MYO9A: variants seen among roughly 807,000 people sequenced by gnomAD.
MYO9A encodes myosin IXA.
MYO9A carries 103 observed loss-of-function variants against 293.3 expected under a neutral mutation model. That is an observed-to-expected ratio of 0.35 (90% CI 0.30 to 0.41). MYO9A has a LOEUF of 0.41. MYO9A is among the 10% of genes least tolerant of loss of function. The pLI, the probability that MYO9A is intolerant of heterozygous loss-of-function variation, is 1.00. For synonymous variants in MYO9A, 1,001 were observed against 1,035.7 expected (o/e 0.97, Z 0.64); for missense variants, 2,685 against 3,033.0 (o/e 0.89, Z 2.69).
intron 27 of MYO9A, among the ~76,000 whole-genome samples, chr15:71,885,666 G>A (rs1216685443): frequency 6.6e-6 from 1 of 152,052 alleles, no homozygotes; most frequent in African/African-American, 2.4e-5. Flanking sequence ...TTTGGTATGG[G>A]TCTATTTTCA....
chr15:72,081,949 A>T (rs1457766583), intron 1 of MYO9A, among the ~76,000 whole-genome samples: 1 of 152,108 alleles, frequency 6.6e-6, no homozygotes, highest in Non-Finnish European at 1.5e-5. Context: ...TTTGTAGTAC[A>T]GTTTGAAGTC....
At chr15:71,923,183 T>C (rs2058201212) in intron 18 of MYO9A, among the ~76,000 whole-genome samples, 1 of 152,212 alleles carries the variant, frequency 6.6e-6, no homozygotes, top group African/African-American at 2.4e-5. Flanking sequence ...CATTTACCGA[T>C]TTGCATATGT....
At chr15:72,005,103 G>C (rs2076979575) in intron 8 of MYO9A, among the ~76,000 whole-genome samples, 1 of 152,110 alleles carries the variant, frequency 6.6e-6, no homozygotes, top group Non-Finnish European at 1.5e-5. Context: ...GATGGGATAG[G>C]TATCTTCTTT....
At chr15:72,035,543 G>T (rs1596440274) in intron 2 of MYO9A, among the ~76,000 whole-genome samples, 1 of 152,192 alleles carries the variant, frequency 6.6e-6, no homozygotes, top group South Asian at 2.1e-4. Context: ...TGGTTCACAT[G>T]TGTAATCCCA....
rs1388771016 is a variant in MYO9A, at chr15:71,910,098, A to ACACG, written c.2686-5093_2686-5092insCGTG. Reference sequence around the variant, plus strand: ...TTTATATATATACACGTATATATATATACGTATATATATACGTGTATATAT... The same window carrying ACACG: ...TTTATATATATACACGTATATATATACACGTACGTATATATATACGTGTATATAT... On this transcript the variant is annotated intron_variant, in intron 19 of 41. Transcript: ENST00000356056. Among the ~76,000 whole-genome samples the ACACG allele has an allele frequency of 3.8e-4, 55 of 145,334 alleles. 2 individuals are homozygous for ACACG. Among genetic ancestry groups the ACACG allele is most frequent in the Middle Eastern group, 3.6e-3 (1 of 278 alleles).
intron 18 of MYO9A, among the ~76,000 whole-genome samples, chr15:71,917,807 CA>C (rs2058052303): frequency 6.6e-6 from 1 of 151,950 alleles, no homozygotes; most frequent in African/African-American, 2.4e-5. Context: ...GTATGAGAAA[CA>C]AAAGATTGTG....
In MYO9A at chr15:71,823,080, A is replaced by G. The variant is rs1385349265; in HGVS notation, c.*3500T>C. 3 of 152,114 alleles carry G rather than the reference A, an allele frequency of 2.0e-5. No individual in the cohort carries two copies. The highest frequency in any genetic ancestry group is 7.2e-5 in the African/African-American group (3 of 41,414). The allele number at this position is 152,114 out of a possible 1,614,324, so 9.4% of individuals were successfully genotyped here. On this transcript the variant is annotated 3_prime_UTR_variant, in exon 42 of 42. Transcript: ENST00000356056. ...CCATACAGAATGATGCATGCCCCGCATCCAGCTTCCCACCAAGAAGAAAAA... is the reference window on the plus strand; with the variant it reads ...CCATACAGAATGATGCATGCCCCGCGTCCAGCTTCCCACCAAGAAGAAAAA...
At chr15:72,109,822 G>A (rs551174530) in intron 1 of MYO9A, among the ~76,000 whole-genome samples, 1 of 151,692 alleles carries the variant, frequency 6.6e-6, no homozygotes, top group South Asian at 2.1e-4. Flanking sequence ...CTTGAACCTC[G>A]AAAGTGGAGG....
intron 19 of MYO9A, among the ~76,000 whole-genome samples, chr15:71,908,842 C>T (rs1256572426): frequency 1.3e-5 from 2 of 152,172 alleles, no homozygotes; most frequent in African/African-American, 2.4e-5. Context: ...AATATATAGA[C>T]ATTTATTCAC....
intron 14 of MYO9A, 86 bp from the exon 15 acceptor site, chr15:71,951,982 C>T: frequency 7.2e-7 from 1 of 1,387,230 alleles, no homozygotes. Flanking sequence ...GAATCAAGGA[C>T]AATGCTGCCA....
chr15:71,989,389 A>G (rs961568928), intron 11 of MYO9A, among the ~76,000 whole-genome samples: 78 of 152,282 alleles, frequency 5.1e-4, no homozygotes, highest in African/African-American at 1.9e-3. Flanking sequence ...GGCCCTCCAT[A>G]TCCTCGAGGG....
intron 1 of MYO9A, among the ~76,000 whole-genome samples, chr15:72,077,746 A>AT (rs1269012739): frequency 3.8e-4 from 16 of 42,486 alleles, no homozygotes; most frequent in East Asian, 3.3e-3. Context: ...AAAAAAAAAA[A>AT]AAAAAAATAT....
At chr15:72,105,356 T>C (rs1030454535) in intron 1 of MYO9A, among the ~76,000 whole-genome samples, 13 of 152,082 alleles carry the variant, frequency 8.5e-5, no homozygotes, top group African/African-American at 2.9e-4. Context: ...TCCCAGTAGC[T>C]AGGACCACAG....
In MYO9A at chr15:72,087,682, T is replaced by G. The variant is rs193206148; in HGVS notation, c.-72+29998A>C. On this transcript the variant is annotated intron_variant, in intron 1 of 41. Coordinates refer to ENST00000356056, the MANE Select transcript of MYO9A (RefSeq NM_006901.4). ...CTTCCCTCTGAAGATCTGTTAGGAG[T>G]GTGCCAGTTGTCCCAGTCCCTCAGT... is the stretch of plus-strand genomic sequence containing the variant. Among the ~76,000 whole-genome samples the G allele has an allele frequency of 2.6e-5, 4 of 152,262 alleles. No homozygotes were observed. In the East Asian group the frequency reaches 7.7e-4, roughly 29 times the overall value.
chr15:72,014,744 AGAAAG>A (rs1023762926), intron 6 of MYO9A, among the ~76,000 whole-genome samples: 40 of 151,262 alleles, frequency 2.6e-4, no homozygotes, highest in Admixed American at 2.6e-4. Flanking sequence ...AGAGAGAGAA[AGAAAG>A]GAAAGAAAGA....
intron 19 of MYO9A, among the ~76,000 whole-genome samples, chr15:71,906,677 A>G (rs546881916): frequency 1.1e-4 from 16 of 146,246 alleles, no homozygotes; most frequent in Admixed American, 2.7e-4. Flanking sequence ...ACCCTTTAGT[A>G]TCATTGTATT....
intron 4 of MYO9A, among the ~76,000 whole-genome samples, chr15:72,025,391 C>T (rs896514295): frequency 1.3e-5 from 2 of 152,078 alleles, no homozygotes; most frequent in Non-Finnish European, 2.9e-5. Flanking sequence ...GATGGAGTTT[C>T]GCACTGTCAC....
intron 1 of MYO9A, among the ~76,000 whole-genome samples, chr15:72,117,428 T>C (rs2278987): frequency 0.66 from 100,497 of 151,608 alleles, 34,105 homozygotes; most frequent in Middle Eastern, 0.74. Flanking sequence ...GTCTGCTGGG[T>C]TGGGGGGACC....
At chr15:71,960,337 G>A in intron 13 of MYO9A, 1 of 460,772 alleles carries the variant, frequency 2.2e-6, no homozygotes, top group Non-Finnish European at 3.8e-6. Context: ...ACCAAAATCT[G>A]GTTATTTAAA....
Sources: allele counts gnomAD v4.1 joint callset (sites outside exome capture counted in the v4.1 genomes callset), GRCh38; gene constraint gnomAD v4.1.1; transcripts MANE v1.5; gene names NCBI Gene and HGNC (gene_info 2026-07-23, HGNC 2026-07-21).